Variants in PPM1E observed in about 807,000 individuals in gnomAD.
PPM1E encodes the protein protein phosphatase, Mg2+/Mn2+ dependent 1E, also known as protein phosphatase 1E.
PPM1E carries 20 observed loss-of-function variants against 65.9 expected under a neutral mutation model. The observed-to-expected ratio is 0.30, with a 90% CI of 0.21 to 0.44. The LOEUF (loss-of-function observed/expected upper bound fraction) is 0.44, where lower values mean the gene tolerates loss of function less well. Among genes scored for constraint, PPM1E ranks in the 20% least tolerant of loss-of-function variants. The probability of loss-of-function intolerance (pLI) is 1.00; values close to 1 mark genes in which losing one functional copy is unlikely to be tolerated. For synonymous variants in PPM1E, 352 were observed against 374.9 expected (o/e 0.94, Z 0.70); for missense variants, 713 against 953.1 (o/e 0.75, Z 3.32).
intron 1 of PPM1E, among the ~76,000 whole-genome samples, chr17:58,910,738 C>T (rs1460505757): frequency 6.6e-6 from 1 of 152,116 alleles, no homozygotes; most frequent in Non-Finnish European, 1.5e-5. Context: ...TTGTTTTTTC[C>T]TCCACCTTAG....
At chr17:58,837,156 C>T (rs1471243443) in intron 1 of PPM1E, among the ~76,000 whole-genome samples, 1 of 148,818 alleles carries the variant, frequency 6.7e-6, no homozygotes, top group Admixed American at 6.8e-5. Flanking sequence ...ATGGGAGGAT[C>T]ACTTGAGCCC....
intron 1 of PPM1E, among the ~76,000 whole-genome samples, chr17:58,953,531 A>G (rs1352123710): frequency 6.6e-6 from 1 of 152,222 alleles, no homozygotes; most frequent in Non-Finnish European, 1.5e-5. Flanking sequence ...ACCTGCTTCC[A>G]TGACCCAAAC....
chr17:58,826,318 A>AG (rs1042525900), intron 1 of PPM1E, among the ~76,000 whole-genome samples: 1 of 151,744 alleles, frequency 6.6e-6, no homozygotes, highest in Non-Finnish European at 1.5e-5. Context: ...AAAAAAAAAA[A>AG]AAAGAAAAGA....
chr17:58,816,749 T>TATATATATATATATATATATATATAA (rs2050419805), intron 1 of PPM1E, among the ~76,000 whole-genome samples: 1 of 8,766 alleles, frequency 1.1e-4, no homozygotes, highest in African/African-American at 6.9e-4. Flanking sequence ...TAAATATATA[T>TATATATATATATATATATATATATAA]ATATATATAT....
chr17:58,820,245 C>T (rs1339192222), intron 1 of PPM1E, among the ~76,000 whole-genome samples: 1 of 151,942 alleles, frequency 6.6e-6, no homozygotes. Flanking sequence ...GACAGAGTTC[C>T]AAACCTATCA....
intron 1 of PPM1E, among the ~76,000 whole-genome samples, chr17:58,765,877 CTTT>C (rs35401844): frequency 8.1e-6 from 1 of 122,880 alleles, no homozygotes; most frequent in African/African-American, 3.0e-5. Context: ...TTTGTAGTTT[CTTT>C]TTTTTTTTTT....
chr17:58,760,437 C>T (rs1318210306), intron 1 of PPM1E, among the ~76,000 whole-genome samples: 1 of 152,076 alleles, frequency 6.6e-6, no homozygotes, highest in Non-Finnish European at 1.5e-5. Context: ...TCCCTGACTT[C>T]TCCTTTCACC....
chr17:58,918,957 A>G (rs1477941852), intron 1 of PPM1E, among the ~76,000 whole-genome samples: 3 of 152,130 alleles, frequency 2.0e-5, no homozygotes, highest in Non-Finnish European at 2.9e-5. Flanking sequence ...TGCTTTTATG[A>G]GCTACAGTTA....
At chr17:58,979,450 G>A (rs933283495) in intron 6 of PPM1E, among the ~76,000 whole-genome samples, 12 of 152,080 alleles carry the variant, frequency 7.9e-5, no homozygotes, top group Non-Finnish European at 1.6e-4. Flanking sequence ...ACCTTCCTTC[G>A]TGCTCGCAGC....
intron 1 of PPM1E, among the ~76,000 whole-genome samples, chr17:58,912,142 G>C (rs889335444): frequency 6.6e-6 from 1 of 152,114 alleles, no homozygotes; most frequent in Non-Finnish European, 1.5e-5. Context: ...GGGAGGGAGG[G>C]GGTAGGAGTG....
intron 1 of PPM1E, among the ~76,000 whole-genome samples, chr17:58,931,064 A>AT (rs1156918836): frequency 9.9e-5 from 11 of 111,184 alleles, no homozygotes; most frequent in South Asian, 3.2e-4. Flanking sequence ...AAATACAAAA[A>AT]TTAAAAAAAA....
intron 1 of PPM1E, among the ~76,000 whole-genome samples, chr17:58,916,137 A>C (rs11079366): frequency 0.019 from 2,950 of 152,286 alleles, 89 homozygotes; most frequent in Admixed American, 0.079. Flanking sequence ...ATTCCACTGC[A>C]TTTAAATAGA....
intron 1 of PPM1E, among the ~76,000 whole-genome samples, chr17:58,773,816 G>A (rs1366786715): frequency 1.3e-5 from 2 of 152,038 alleles, no homozygotes; most frequent in Non-Finnish European, 2.9e-5. Flanking sequence ...TCCTGCCCGC[G>A]CCTACTGAAT....
At position 58,965,271 on chromosome 17, in the gene PPM1E, A is replaced by C. The variant is rs1022963675; in HGVS notation, c.584-423A>C. 3.3e-5 allele frequency among the ~76,000 whole-genome samples: 5 copies of C among 151,972 alleles called. No homozygotes were observed. In the East Asian group the frequency reaches 9.7e-4, roughly 29 times the overall value. On this transcript the variant is annotated intron_variant, in intron 2 of 6. Coordinates refer to ENST00000308249, the MANE Select transcript of PPM1E (RefSeq NM_014906.5). Reference sequence around the variant, plus strand: ...CAATAAACACTGTATTTATCCAGCTAATTGGACTACGGAAGCAGTGTTAAT... The same window carrying C: ...CAATAAACACTGTATTTATCCAGCTCATTGGACTACGGAAGCAGTGTTAAT...
intron 1 of PPM1E, among the ~76,000 whole-genome samples, chr17:58,927,925 TG>T (rs1357264063): frequency 1.3e-5 from 2 of 151,832 alleles, no homozygotes; most frequent in African/African-American, 4.8e-5. Flanking sequence ...CTGGGCGTGA[TG>T]GTGGGTGCCT....
At chr17:58,899,154 T>C (rs112054415) in intron 1 of PPM1E, among the ~76,000 whole-genome samples, 2,324 of 150,486 alleles carry the variant, frequency 0.015, 57 homozygotes, top group African/African-American at 0.053. Context: ...ACTTAAAGTA[T>C]AATATATAAA....
chr17:58,894,121 G>GTATT (rs1003712079), intron 1 of PPM1E, among the ~76,000 whole-genome samples: 13 of 151,726 alleles, frequency 8.6e-5, no homozygotes, highest in Admixed American at 2.0e-4. Context: ...TAAAGTCTAT[G>GTATT]TATTTATTTA....
intron 1 of PPM1E, among the ~76,000 whole-genome samples, chr17:58,892,972 A>T (rs1048059207): frequency 1.3e-5 from 2 of 152,248 alleles, no homozygotes; most frequent in African/African-American, 4.8e-5. Flanking sequence ...GCTGACAAGG[A>T]TGCGGAGCAA....
In PPM1E at chr17:58,863,255, C is replaced by T. The variant is rs141948227; in HGVS notation, c.465-92394C>T. ...CGAGGCAGTGAAACACAAGAGTTCCCTTGACCCCTTTGTGAGACTCATGAA... is the reference window on the plus strand; with the variant it reads ...CGAGGCAGTGAAACACAAGAGTTCCTTTGACCCCTTTGTGAGACTCATGAA... On this transcript the variant is annotated intron_variant, in intron 1 of 6. Transcript: ENST00000308249. 2.0e-5 allele frequency among the ~76,000 whole-genome samples: 3 copies of T among 152,318 alleles called. No individual in the cohort carries two copies. The East Asian group carries it at 5.8e-4, about 29-fold the overall frequency.
Sources: gnomAD v4.1 joint callset for allele counts (sites outside exome capture counted in the v4.1 genomes callset) on GRCh38, gnomAD v4.1.1 for gene constraint, MANE v1.5 for transcripts, NCBI Gene and HGNC (gene_info 2026-07-23, HGNC 2026-07-21) for gene names.